TMEM18: variants seen among roughly 807,000 people sequenced by gnomAD.
TMEM18 encodes transmembrane protein 18.
TMEM18 carries 14 observed loss-of-function variants against 17.4 expected under a neutral mutation model. The ratio of observed to expected loss-of-function variants is 0.80; its 90% CI spans 0.53 to 1.25. The LOEUF (loss-of-function observed/expected upper bound fraction) is 1.25, where lower values mean the gene tolerates loss of function less well. Among genes scored for constraint, TMEM18 ranks in the 50% most tolerant of loss-of-function variants. TMEM18 has a pLI of 0.00. For missense variants in TMEM18, 187 were observed against 172.1 expected (o/e 1.09, Z -0.48); for synonymous variants, 86 against 66.1 (o/e 1.30, Z -1.46).
chr2:674,378 C>G (rs745525588), intron 2 of TMEM18, among the ~76,000 whole-genome samples: 4 of 152,212 alleles, frequency 2.6e-5, no homozygotes, highest in Non-Finnish European at 5.9e-5. Flanking sequence ...GCCTATGCAC[C>G]TTTTGCCCCT....
At chr2:677,152 C>T (rs1374588423) in intron 1 of TMEM18, 137 bp downstream of exon 1, 10 of 1,143,390 alleles carry the variant, frequency 8.7e-6, no homozygotes, top group African/African-American at 1.5e-5. Context: ...AGGACCCTGC[C>T]CAGCGCGCGC....
At chr2:669,923 A>G (rs959711342) in intron 3 of TMEM18, 73 bp from the exon 4 acceptor site, 5 of 1,242,650 alleles carry the variant, frequency 4.0e-6, no homozygotes, top group African/African-American at 3.0e-5. Flanking sequence ...GTCTATTTAG[A>G]TAAGACTTTG....
In TMEM18 at chr2:675,635, AG is replaced by A; in HGVS notation, c.58-6del. 1 of 1,613,642 alleles carries A rather than the reference AG, an allele frequency of 6.2e-7. No homozygotes were observed. The highest frequency in any genetic ancestry group is 8.5e-7 in the Non-Finnish European group (1 of 1,179,988). ...GGGCTCAGTCCAGTCCGTCTGCTGT[AG>A]GAACACACCAGCAGACACTCACTGT... On this transcript the variant is annotated splice_polypyrimidine_tract_variant and splice_region_variant and intron_variant, in intron 1 of 4. Coordinates refer to ENST00000281017, the MANE Select transcript of TMEM18 (RefSeq NM_152834.4).
rs1410247926 is a variant in TMEM18, at chr2:677,298, G to A, written c.48C>T (p.Ala16=). Residue 16 remains alanine (A), a synonymous_variant, in exon 1 of 5, where the codon GCC becomes GCT. Transcript: ENST00000281017. ...SVSSFPVSIP[A]VLTQTDWTEP... is the part of the protein sequence containing the mutation. ...GCGGGCCGCGAGTTACCGTGAGCACGGCTGGGATGCTGACGGGGAAAGAGC... is the reference window on the plus strand; with the variant it reads ...GCGGGCCGCGAGTTACCGTGAGCACAGCTGGGATGCTGACGGGGAAAGAGC... 3.1e-6 allele frequency: 5 copies of A among 1,611,842 alleles called. No homozygotes were observed. The highest frequency in any genetic ancestry group is 1.3e-5 in the African/African-American group (1 of 74,946).
At chr2:676,980 C>T (rs1286167698) in intron 1 of TMEM18, among the ~76,000 whole-genome samples, 2 of 151,948 alleles carry the variant, frequency 1.3e-5, no homozygotes, top group East Asian at 1.9e-4. Context: ...GCACGCTCCT[C>T]CACAAGGCCC....
In TMEM18 at chr2:663,999, C is replaced by G. The variant is rs1319400104; in HGVS notation, c.*5581G>C. ...CTTCAAATTCACAATTCCTAAGGTCCCCCTTTTTTTACCTGGATGCTTGAG... is the reference window on the plus strand; with the variant it reads ...CTTCAAATTCACAATTCCTAAGGTCGCCCTTTTTTTACCTGGATGCTTGAG... On this transcript the variant is annotated 3_prime_UTR_variant, in exon 5 of 5. Transcript: ENST00000281017. Among the ~76,000 whole-genome samples, 2 of 152,126 alleles carry G rather than the reference C, an allele frequency of 1.3e-5. No individual in the cohort carries two copies. The highest frequency in any genetic ancestry group is 2.9e-5 in the Non-Finnish European group (2 of 68,032).
rs1678671236 is a variant in TMEM18, at chr2:665,735, C to T, written c.*3845G>A. On this transcript the variant is annotated 3_prime_UTR_variant, in exon 5 of 5. Transcript: ENST00000281017. ...ACAACAGGACCCAGAGATGCAGATG[C>T]CCCACTCACTCAGATGGAGCATCAA... Among the ~76,000 whole-genome samples, 1 of 150,214 alleles carries T rather than the reference C, an allele frequency of 6.7e-6. No individual in the cohort carries two copies. The highest frequency in any genetic ancestry group is 1.5e-5 in the Non-Finnish European group (1 of 67,830).
rs1005443509 is a variant in TMEM18, at chr2:666,943, T to G, written c.*2637A>C. ...ACCGGTATATCTCTGACGGCAATTC[T>G]CGTCTGTCTTTAAGCATCCCACTCA... On this transcript the variant is annotated 3_prime_UTR_variant, in exon 5 of 5. Transcript: ENST00000281017. Among the ~76,000 whole-genome samples, 1 of 151,910 alleles carries G rather than the reference T, an allele frequency of 6.6e-6. No individual in the cohort carries two copies. Among genetic ancestry groups the G allele is most frequent in the African/African-American group, 2.4e-5 (1 of 41,334 alleles).
chr2:664,669 G>A lies in TMEM18; in HGVS notation c.*4911C>T, dbSNP rs1325442429. Among the ~76,000 whole-genome samples the A allele has an allele frequency of 6.6e-6, 1 of 152,074 alleles. No homozygotes were observed. The highest frequency in any genetic ancestry group is 1.5e-5 in the Non-Finnish European group (1 of 68,014). On this transcript the variant is annotated 3_prime_UTR_variant, in exon 5 of 5. Transcript: ENST00000281017. ...TCAGGAAATATGTACAACCAATATTGGCATATGCTTTCTGAAAATTGATTT... is the reference window on the plus strand; with the variant it reads ...TCAGGAAATATGTACAACCAATATTAGCATATGCTTTCTGAAAATTGATTT...
rs755889312 is a variant in TMEM18 at position 677,323 on chromosome 2, C to G, written c.23G>C (p.Ser8Thr). ...GGCTGGGATGCTGACGGGGAAAGAG[C>G]TGACAGAGAAGGCGGACGGCATGGT... MPSAFSV[S>T]SFPVSIPAVL... The change falls in exon 1 of 5, where the codon AGC becomes ACC. Residue 8 changes from serine to threonine, a missense_variant. Transcript: ENST00000281017. 1 of 1,612,284 alleles carries G rather than the reference C, an allele frequency of 6.2e-7. No individual in the cohort carries two copies. The highest frequency in any genetic ancestry group is 8.5e-7 in the Non-Finnish European group (1 of 1,179,814).
chr2:677,062 CG>C, intron 1 of TMEM18: 1 of 439,936 alleles, frequency 2.3e-6, no homozygotes, highest in East Asian at 4.2e-5. Flanking sequence ...CGCCCGGCCC[CG>C]GCCCCCTCCC....
At chr2:676,715 G>GGGCAGCGTTCCT in intron 1 of TMEM18, 1 of 1,398,750 alleles carries the variant, frequency 7.1e-7, no homozygotes, top group Admixed American at 2.1e-5. Context: ...CGCACGCCCC[G>GGGCAGCGTTCCT]CCCACACTGG....
At chr2:676,689 G>A (rs1312601008) in intron 1 of TMEM18, 1 of 1,522,330 alleles carries the variant, frequency 6.6e-7, no homozygotes, top group East Asian at 2.5e-5. Flanking sequence ...GGATCTGTCA[G>A]ACGAACCCGG....
rs1572405944 is a variant in TMEM18 at position 665,264 on chromosome 2, A to G, written c.*4316T>C. Among the ~76,000 whole-genome samples the G allele has an allele frequency of 6.6e-6, 1 of 152,062 alleles. No homozygotes were observed. Among genetic ancestry groups the G allele is most frequent in the East Asian group, 1.9e-4 (1 of 5,132 alleles). The stretch of plus-strand genomic sequence containing the variant: ...CAACCCCATATACAACAGGATCCAG[A>G]GATGCAGACACCCCACTCACTCAGA... On this transcript the variant is annotated 3_prime_UTR_variant, in exon 5 of 5. Coordinates refer to ENST00000281017, the MANE Select transcript of TMEM18 (RefSeq NM_152834.4).
Position 677,278 on chromosome 2 carries a change from C to G in TMEM18, c.57+11G>C. On this transcript the variant is annotated intron_variant, in intron 1 of 4. Transcript: ENST00000281017. ...TCCCCCGAACTGGTGGTTACGCGGGCCGCGAGTTACCGTGAGCACGGCTGG... is the reference window on the plus strand; with the variant it reads ...TCCCCCGAACTGGTGGTTACGCGGGGCGCGAGTTACCGTGAGCACGGCTGG... 1 of 1,609,410 alleles carries G rather than the reference C, an allele frequency of 6.2e-7. No individual in the cohort carries two copies. The highest frequency in any genetic ancestry group is 8.5e-7 in the Non-Finnish European group (1 of 1,179,188).
rs1659221547 is a variant in TMEM18, at chr2:676,455, C to A, written c.58-825G>T. On this transcript the variant is annotated intron_variant, in intron 1 of 4. Transcript: ENST00000281017. ...CCCGCCCTGCCCTCCAAGCTGCAGC[C>A]CGGCACAGCCCTCCAGAACTCCTGT... 4 of 1,147,080 alleles carry A rather than the reference C, an allele frequency of 3.5e-6. 1 individual carries two copies. Among genetic ancestry groups the A allele is most frequent in the African/African-American group, 1.8e-5 (1 of 55,420 alleles). The allele number at this position is 1,147,080 out of a possible 1,614,324, so 71.1% of individuals were successfully genotyped here. A position where few individuals can be genotyped will look rare whatever the true frequency, so the allele number is the denominator to read the frequency against.
At chr2:671,315 G>T (rs1056396993) in intron 3 of TMEM18, among the ~76,000 whole-genome samples, 1 of 152,220 alleles carries the variant, frequency 6.6e-6, no homozygotes, top group Admixed American at 6.5e-5. Flanking sequence ...CCCTGTGCCA[G>T]CCTCTGGACA....
Position 675,555 on chromosome 2 carries a change from A to G in TMEM18, c.133T>C (p.Ser45Pro). 6.2e-7 allele frequency: 1 copy of G among 1,614,214 alleles called. No individual in the cohort carries two copies. Among genetic ancestry groups the G allele is most frequent in the Non-Finnish European group, 8.5e-7 (1 of 1,180,052 alleles). The change falls in exon 2 of 5, where the codon TCC becomes CCC. Residue 45 changes from serine to proline, a missense_variant. Transcript: ENST00000281017. ...ATCTGTAGTCTGTAGCTTCGGGAGG[A>G]CAAGCAGGTGAGGAGCACGCAGAGC... is the stretch of plus-strand genomic sequence containing the variant. ...HALCVLLTCLSSRSYRLQIGH... is the reference protein window; with the variant it reads ...HALCVLLTCLPSRSYRLQIGH...
At chr2:670,994 A>G (rs1482872807) in intron 3 of TMEM18, 1 of 152,296 alleles carries the variant, frequency 6.6e-6, no homozygotes, top group Admixed American at 6.5e-5. Flanking sequence ...CTCGTGGCTG[A>G]TCTTAAAGGT....
Sources: gnomAD v4.1 joint callset for allele counts (sites outside exome capture counted in the v4.1 genomes callset) on GRCh38, gnomAD v4.1.1 for gene constraint, MANE v1.5 for transcripts, NCBI Gene and HGNC (gene_info 2026-07-23, HGNC 2026-07-21) for gene names.